The following WWOX variants were observed in gnomAD, a reference collection of about 807,000 sequenced individuals.
WWOX encodes the protein WW domain-containing oxidoreductase.
In WWOX, 69 loss-of-function variants were observed where a neutral mutation model predicts 46.2. The ratio of observed to expected loss-of-function variants is 1.49; its 90% CI spans 1.23 to 1.82. WWOX has a LOEUF of 1.82. Ranked by LOEUF, WWOX falls within the 40% of genes most tolerant of loss-of-function variation. WWOX has a pLI of 0.00. For missense variants in WWOX, 919 were observed against 542.6 expected (o/e 1.69, Z -6.89); for synonymous variants, 359 against 202.6 (o/e 1.77, Z -6.56).
At position 78,734,842 on chromosome 16, in the gene WWOX, T is replaced by G. The variant is rs900452421; in HGVS notation, c.1056+302090T>G. Among the ~76,000 whole-genome samples, 6 of 23,690 alleles carry G rather than the reference T, an allele frequency of 2.5e-4. No homozygotes were observed. In the African/African-American group the frequency reaches 2.6e-3, roughly 10 times the overall value. The allele number at this position is 23,690 out of a possible 152,430, so 15.5% of individuals were successfully genotyped here. A position where few individuals can be genotyped will look rare whatever the true frequency, so the allele number is the denominator to read the frequency against. ...ATGACTCAGGTGGGGACTTCAGTCCTTTTTTTTTTTTTTTTTTTTTTTTTT... is the reference window on the plus strand; with the variant it reads ...ATGACTCAGGTGGGGACTTCAGTCCGTTTTTTTTTTTTTTTTTTTTTTTTT... On this transcript the variant is annotated intron_variant, in intron 8 of 8. Coordinates refer to ENST00000566780, the MANE Select transcript of WWOX (RefSeq NM_016373.4).
At chr16:78,116,262 T>C (rs985689493) in intron 4 of WWOX, among the ~76,000 whole-genome samples, 1 of 152,216 alleles carries the variant, frequency 6.6e-6, no homozygotes, top group African/African-American at 2.4e-5. Context: ...TCTATCTTTT[T>C]TGTACCCATT....
chr16:78,236,869 G>A (rs146225932), intron 5 of WWOX, among the ~76,000 whole-genome samples: 5 of 152,208 alleles, frequency 3.3e-5, no homozygotes, highest in African/African-American at 1.2e-4. Context: ...GAGGTCAGGA[G>A]TTGAAGACCA....
At chr16:79,106,209 C>T (rs1274090723) in intron 8 of WWOX, among the ~76,000 whole-genome samples, 1 of 152,228 alleles carries the variant, frequency 6.6e-6, no homozygotes, top group Non-Finnish European at 1.5e-5. Context: ...GACTTCAGTG[C>T]CTGCTAAAGT....
chr16:79,151,584 C>T (rs1279528432), intron 8 of WWOX, among the ~76,000 whole-genome samples: 4 of 152,238 alleles, frequency 2.6e-5, no homozygotes, highest in Non-Finnish European at 5.9e-5. Context: ...GCTGAGACCT[C>T]ACCCTCTGCT....
In WWOX at chr16:78,987,766, C is replaced by G. The variant is rs538254583; in HGVS notation, c.1057-223842C>G. ...CCCAAACTCTCTGTGTCCTTTTCTT[C>G]TTGGGCTGATGAACTTGTCAACTTT... On this transcript the variant is annotated intron_variant, in intron 8 of 8. Transcript: ENST00000566780. 7.9e-5 allele frequency among the ~76,000 whole-genome samples: 12 copies of G among 152,250 alleles called. 1 individual carries two copies. The highest frequency in any genetic ancestry group is 3.4e-3 in the Middle Eastern group (1 of 294).
chr16:78,773,472 C>T (rs577799636), intron 8 of WWOX, among the ~76,000 whole-genome samples: 18 of 152,264 alleles, frequency 1.2e-4, no homozygotes, highest in South Asian at 4.2e-4. Context: ...AACAATGAGG[C>T]GGGCAGCAGG....
At chr16:78,286,094 A>C (rs2079762074) in intron 5 of WWOX, among the ~76,000 whole-genome samples, 1 of 152,218 alleles carries the variant, frequency 6.6e-6, no homozygotes, top group South Asian at 2.1e-4. Flanking sequence ...TCATTTAAAA[A>C]AATCTGCTAA....
At chr16:78,209,752 A>G (rs1176686619) in intron 5 of WWOX, among the ~76,000 whole-genome samples, 1 of 152,062 alleles carries the variant, frequency 6.6e-6, no homozygotes, top group Admixed American at 6.5e-5. Flanking sequence ...AAAAAAAAAA[A>G]AAGAAACCTT....
At chr16:78,721,497 C>G (rs1164058354) in intron 8 of WWOX, among the ~76,000 whole-genome samples, 1 of 152,168 alleles carries the variant, frequency 6.6e-6, no homozygotes, top group African/African-American at 2.4e-5. Flanking sequence ...AACTCTATTG[C>G]TGGTGGCGGG....
intron 5 of WWOX, among the ~76,000 whole-genome samples, chr16:78,203,711 A>C (rs2036305213): frequency 6.6e-6 from 1 of 152,144 alleles, no homozygotes; most frequent in Admixed American, 6.5e-5. Flanking sequence ...TAGATGCGGA[A>C]GGGATGGGGG....
At chr16:78,721,770 G>A (rs2048697479) in intron 8 of WWOX, among the ~76,000 whole-genome samples, 1 of 152,164 alleles carries the variant, frequency 6.6e-6, no homozygotes, top group South Asian at 2.1e-4. Context: ...ACAGGGCCAG[G>A]TACATAGCAG....
chr16:78,976,564 C>G (rs1567453416), intron 8 of WWOX, among the ~76,000 whole-genome samples: 1 of 152,228 alleles, frequency 6.6e-6, no homozygotes, highest in Admixed American at 6.5e-5. Context: ...ATCTAGGTCT[C>G]AGCCTGGGAT....
intron 8 of WWOX, among the ~76,000 whole-genome samples, chr16:79,131,376 CTTTGAGGTCT>C (rs1200165854): frequency 6.6e-6 from 1 of 151,950 alleles, no homozygotes; most frequent in Admixed American, 6.5e-5. Flanking sequence ...AAGCAGGAGG[CTTTGAGGTCT>C]TTTTTTCCCT....
intron 8 of WWOX, among the ~76,000 whole-genome samples, chr16:78,512,083 C>G (rs1383941769): frequency 6.6e-6 from 1 of 152,168 alleles, no homozygotes; most frequent in Non-Finnish European, 1.5e-5. Flanking sequence ...AGATTCTAAA[C>G]TTAGCAATGC....
intron 6 of WWOX, among the ~76,000 whole-genome samples, chr16:78,390,327 G>A (rs1409620888): frequency 6.6e-6 from 1 of 152,196 alleles, no homozygotes; most frequent in Non-Finnish European, 1.5e-5. Context: ...TAACCATTAA[G>A]TAGTTGGGAA....
At chr16:78,355,491 A>G (rs577813597) in intron 5 of WWOX, 7 of 352,356 alleles carry the variant, frequency 2.0e-5, no homozygotes, top group South Asian at 1.4e-4. Flanking sequence ...AGTCCCAGCT[A>G]CTCGGGAGGC....
intron 8 of WWOX, among the ~76,000 whole-genome samples, chr16:78,874,684 CT>C (rs552696627): frequency 0.015 from 1,248 of 83,492 alleles, no homozygotes; most frequent in African/African-American, 0.029. Flanking sequence ...AGATTTTTTT[CT>C]TTTTTTTTTT....
At chr16:78,498,975 A>G (rs141027725) in intron 8 of WWOX, among the ~76,000 whole-genome samples, 1,580 of 152,338 alleles carry the variant, frequency 0.01, 23 homozygotes, top group Middle Eastern at 0.034. Flanking sequence ...TGAAGGCTCA[A>G]GGAATACTTC....
intron 8 of WWOX, among the ~76,000 whole-genome samples, chr16:79,083,176 C>A (rs536454864): frequency 2.6e-5 from 4 of 152,262 alleles, no homozygotes; most frequent in African/African-American, 7.2e-5. Context: ...CTGCGGTTCC[C>A]CTACTTGAGG....
Sources: allele counts gnomAD v4.1 joint callset (sites outside exome capture counted in the v4.1 genomes callset), GRCh38; gene constraint gnomAD v4.1.1; transcripts MANE v1.5; gene names NCBI Gene and HGNC (gene_info 2026-07-23, HGNC 2026-07-21).